The following MAGI1 variants were observed in gnomAD, a reference collection of about 807,000 sequenced individuals.
MAGI1 encodes the protein membrane-associated guanylate kinase, WW and PDZ domain-containing protein 1.
A neutral mutation model predicts 139.9 loss-of-function variants in MAGI1; 58 were observed. The observed-to-expected ratio is 0.41, with a 90% CI of 0.34 to 0.52. MAGI1 has a LOEUF of 0.52. Ranked by LOEUF, MAGI1 falls within the 20% of genes least tolerant of loss-of-function variation. The pLI, the probability that MAGI1 is intolerant of heterozygous loss-of-function variation, is 0.12. For missense variants in MAGI1, 1,874 were observed against 1,901.6 expected (o/e 0.99, Z 0.27); for synonymous variants, 812 against 737.9 (o/e 1.10, Z -1.63).
intron 1 of MAGI1, among the ~76,000 whole-genome samples, chr3:65,985,766 T>A (rs1419126255): frequency 6.6e-6 from 1 of 152,210 alleles, no homozygotes; most frequent in Non-Finnish European, 1.5e-5. Flanking sequence ...CAGTAGTCAG[T>A]TGGGATAGAC....
chr3:65,835,128 G>A (rs1405166775), intron 1 of MAGI1, among the ~76,000 whole-genome samples: 1 of 152,026 alleles, frequency 6.6e-6, no homozygotes, highest in Non-Finnish European at 1.5e-5. Context: ...TCTATTTTTT[G>A]TTTTCTGTTT....
At position 65,429,697 on chromosome 3, in the gene MAGI1, C is replaced by G; in HGVS notation, c.1990G>C (p.Gly664Arg). 1 of 1,613,918 alleles carries G rather than the reference C, an allele frequency of 6.2e-7. No homozygotes were observed. Among genetic ancestry groups the G allele is most frequent in the Non-Finnish European group, 8.5e-7 (1 of 1,179,928 alleles). The part of the protein sequence containing the change: ...GFTIADSPGG[G>R]GQRVKQIVDS... Reference sequence around the variant, plus strand: ...ACAATCTGTTTCACTCTTTGGCCACCCCCACCAGGACTGTCTGCGATAGTA... The same window carrying G: ...ACAATCTGTTTCACTCTTTGGCCACGCCCACCAGGACTGTCTGCGATAGTA... Residue 664 changes from glycine (G) to arginine (R), a missense_variant, in exon 12 of 23, where the codon GGT (glycine) becomes CGT (arginine). Physicochemically the swap from Gly to Arg is moderately radical, Grantham distance 125. Around this residue, in one of 5 missense-constraint regions of MAGI1, gnomAD observed 482 missense variants for 509.6 expected, o/e 0.95. Coordinates refer to ENST00000402939, the MANE Select transcript of MAGI1 (RefSeq NM_001033057.2).
At chr3:65,589,214 T>A (rs1398154859) in intron 2 of MAGI1, among the ~76,000 whole-genome samples, 1 of 152,186 alleles carries the variant, frequency 6.6e-6, no homozygotes, top group Non-Finnish European at 1.5e-5. Flanking sequence ...AATGGGGCAG[T>A]GAAATAAGGT....
chr3:65,713,728 T>C (rs527898833), intron 1 of MAGI1, among the ~76,000 whole-genome samples: 153 of 152,328 alleles, frequency 1.0e-3, no homozygotes, highest in Non-Finnish European at 1.8e-3. Context: ...GTATTTTGTG[T>C]GTGCCTACTA....
At chr3:65,527,865 C>A (rs896585713) in intron 2 of MAGI1, among the ~76,000 whole-genome samples, 1 of 151,868 alleles carries the variant, frequency 6.6e-6, no homozygotes, top group East Asian at 1.9e-4. Flanking sequence ...CGAGATCATG[C>A]CACTGCACTC....
chr3:65,585,965 T>C (rs888156350), intron 2 of MAGI1, among the ~76,000 whole-genome samples: 1 of 152,088 alleles, frequency 6.6e-6, no homozygotes, highest in African/African-American at 2.4e-5. Flanking sequence ...CCCAGTACTT[T>C]GGGAGGCTGA....
At chr3:65,417,904 A>T (rs554561394) in intron 12 of MAGI1, among the ~76,000 whole-genome samples, 1 of 152,172 alleles carries the variant, frequency 6.6e-6, no homozygotes, top group Admixed American at 6.5e-5. Context: ...AATCCTTCCT[A>T]TATTTCAAAG....
chr3:65,798,860 G>C (rs983969806), intron 1 of MAGI1, among the ~76,000 whole-genome samples: 1 of 152,154 alleles, frequency 6.6e-6, no homozygotes, highest in African/African-American at 2.4e-5. Flanking sequence ...ACTGTGTCCA[G>C]CTCAAAGGGG....
chr3:65,893,453 C>T (rs976718635), intron 1 of MAGI1, among the ~76,000 whole-genome samples: 2 of 152,064 alleles, frequency 1.3e-5, no homozygotes, highest in African/African-American at 4.8e-5. Flanking sequence ...TAAGTTTCTT[C>T]ATGCATTCTC....
In MAGI1 at chr3:65,829,802, A is replaced by G. The variant is rs190495867; in HGVS notation, c.314-207714T>C. Reference sequence around the variant, plus strand: ...ATTAAATCATTCCAGACTATTCTGAAAGCCAAAGATAATTAAGCTTGATCA... The same window carrying G: ...ATTAAATCATTCCAGACTATTCTGAGAGCCAAAGATAATTAAGCTTGATCA... On this transcript the variant is annotated intron_variant, in intron 1 of 22. Coordinates refer to ENST00000402939, the MANE Select transcript of MAGI1 (RefSeq NM_001033057.2). Among the ~76,000 whole-genome samples, 24 of 152,314 alleles carry G rather than the reference A, an allele frequency of 1.6e-4. No homozygotes were observed. The East Asian group carries it at 4.4e-3, about 28-fold the overall frequency.
At chr3:65,493,786 T>G (rs1364113100) in intron 2 of MAGI1, among the ~76,000 whole-genome samples, 155 bp from the exon 3 acceptor site, 2 of 152,192 alleles carry the variant, frequency 1.3e-5, no homozygotes, top group African/African-American at 4.8e-5. Flanking sequence ...AAAGGCAACT[T>G]CTTTCTAATA....
intron 5 of MAGI1, among the ~76,000 whole-genome samples, chr3:65,455,632 G>A (rs943393512): frequency 6.6e-6 from 1 of 152,188 alleles, no homozygotes; most frequent in African/African-American, 2.4e-5. Context: ...AGCTACTGGA[G>A]AGGCTGAGGT....
At chr3:65,545,994 GCACA>G (rs749949035) in intron 2 of MAGI1, among the ~76,000 whole-genome samples, 62 of 136,744 alleles carry the variant, frequency 4.5e-4, no homozygotes, top group Admixed American at 2.5e-3. Context: ...ACACACACAC[GCACA>G]CACACACACA....
chr3:65,734,496 A>G (rs1203239698), intron 1 of MAGI1, among the ~76,000 whole-genome samples: 2 of 151,112 alleles, frequency 1.3e-5, no homozygotes, highest in African/African-American at 4.9e-5. Flanking sequence ...AGAAAGAGAG[A>G]AAGAGGAAGA....
chr3:66,035,779 C>T (rs929055484), intron 1 of MAGI1, among the ~76,000 whole-genome samples: 1 of 152,186 alleles, frequency 6.6e-6, no homozygotes, highest in African/African-American at 2.4e-5. Context: ...GTGAAGAGAG[C>T]TAACACCTGG....
chr3:65,735,572 A>G lies in MAGI1; in HGVS notation c.314-113484T>C, dbSNP rs181805015. Among the ~76,000 whole-genome samples, 78 of 152,284 alleles carry G rather than the reference A, an allele frequency of 5.1e-4. 1 individual carries two copies. The highest frequency in any genetic ancestry group is 2.4e-4 in the Non-Finnish European group (16 of 68,038). ...ATGGTCAGACAGCACTGAATTTGGT[A>G]TTCACGGCTCTTGCTAGGGATCCGT... is the stretch of plus-strand genomic sequence containing the variant. On this transcript the variant is annotated intron_variant, in intron 1 of 22. Transcript: ENST00000402939.
chr3:65,492,894 C>T (rs146481680), intron 3 of MAGI1, among the ~76,000 whole-genome samples: 23,578 of 151,720 alleles, frequency 0.16, 1,822 homozygotes, highest in South Asian at 0.24. Context: ...CTGGCTAACA[C>T]GGTGAAACCC....
intron 1 of MAGI1, chr3:65,875,014 C>CT (rs1264945149): frequency 6.6e-6 from 1 of 152,492 alleles, no homozygotes; most frequent in Non-Finnish European, 1.5e-5. Context: ...AGCCAGGAGT[C>CT]TGTGACCAGC....
At chr3:65,679,279 G>A (rs921776807) in intron 1 of MAGI1, among the ~76,000 whole-genome samples, 6 of 152,158 alleles carry the variant, frequency 3.9e-5, no homozygotes, top group African/African-American at 9.7e-5. Context: ...AGCACTCAGC[G>A]ACTACTTCAT....
Sources: gnomAD v4.1 joint callset for allele counts (sites outside exome capture counted in the v4.1 genomes callset) on GRCh38, gnomAD v4.1.1 for gene constraint, gnomAD v4.1.1 regional missense constraint, MANE v1.5 for transcripts, NCBI Gene and HGNC (gene_info 2026-07-23, HGNC 2026-07-21) for gene names.